Variants in DLGAP2 observed in about 807,000 individuals in gnomAD.
The protein encoded by DLGAP2 is DLG associated protein 2, also known as disks large-associated protein 2.
DLGAP2 carries 26 observed loss-of-function variants against 100.3 expected under a neutral mutation model. That is an observed-to-expected ratio of 0.26 (90% CI 0.19 to 0.36). DLGAP2 has a LOEUF of 0.36. Ranked by LOEUF, DLGAP2 falls within the 10% of genes least tolerant of loss-of-function variation. The pLI is 1.00. For missense variants in DLGAP2, 1,858 were observed against 1,453.2 expected (o/e 1.28, Z -4.53); for synonymous variants, 886 against 630.1 (o/e 1.41, Z -6.08).
intron 3 of DLGAP2, among the ~76,000 whole-genome samples, chr8:1,331,042 G>A (rs886167342): frequency 9.9e-5 from 15 of 152,042 alleles, no homozygotes; most frequent in Non-Finnish European, 7.4e-5. Flanking sequence ...CTTCACAGGA[G>A]CGTGAAGAGA....
chr8:1,443,589 G>C (rs77236962), intron 3 of DLGAP2, among the ~76,000 whole-genome samples: 10 of 152,350 alleles, frequency 6.6e-5, no homozygotes, highest in African/African-American at 2.2e-4. Flanking sequence ...TGGACTCACA[G>C]TTCCACACGG....
chr8:1,142,275 G>C (rs1230959618), intron 2 of DLGAP2, among the ~76,000 whole-genome samples: 3 of 152,094 alleles, frequency 2.0e-5, no homozygotes, highest in African/African-American at 7.2e-5. Flanking sequence ...GGGTTATACA[G>C]TTAATTTTTT....
intron 2 of DLGAP2, among the ~76,000 whole-genome samples, chr8:1,209,908 A>G (rs934933607): frequency 6.6e-6 from 1 of 152,168 alleles, no homozygotes; most frequent in East Asian, 1.9e-4. Flanking sequence ...CTCCCTGAGA[A>G]ACGGCGTGTC....
chr8:1,690,677 C>A (rs2472116), intron 12 of DLGAP2, among the ~76,000 whole-genome samples: 3 of 127,256 alleles, frequency 2.4e-5, no homozygotes, highest in African/African-American at 9.2e-5. Flanking sequence ...CCACTCCAGC[C>A]TGGGCGATAA....
intron 2 of DLGAP2, among the ~76,000 whole-genome samples, chr8:1,012,618 G>A (rs76893867): frequency 5.2e-5 from 3 of 57,778 alleles, no homozygotes; most frequent in Non-Finnish European, 9.5e-5. Context: ...CGGCCCCCCC[G>A]ACTTCAGCGG....
At chr8:1,451,805 G>T (rs1210754143) in intron 3 of DLGAP2, among the ~76,000 whole-genome samples, 1 of 152,104 alleles carries the variant, frequency 6.6e-6, no homozygotes, top group Non-Finnish European at 1.5e-5. Context: ...CCAACGTCCG[G>T]ATATCCCACT....
chr8:1,222,739 G>A (rs903211595), intron 2 of DLGAP2, among the ~76,000 whole-genome samples: 2 of 152,202 alleles, frequency 1.3e-5, no homozygotes, highest in East Asian at 1.9e-4. Context: ...ATGGTCAGAC[G>A]GGCTCTGCTG....
intron 2 of DLGAP2, among the ~76,000 whole-genome samples, chr8:1,182,015 C>G (rs1282177696): frequency 4.6e-5 from 7 of 152,236 alleles, no homozygotes; most frequent in Admixed American, 3.3e-4. Context: ...TTTCCAGAAG[C>G]TGACGTGGGA....
chr8:1,578,564 TCTG>T (rs1201131757), intron 6 of DLGAP2, among the ~76,000 whole-genome samples: 4 of 152,188 alleles, frequency 2.6e-5, no homozygotes, highest in African/African-American at 9.7e-5. Flanking sequence ...CTGCAGGAAT[TCTG>T]CTTCAAAATG....
At chr8:949,546 G>A (rs760168648) in intron 2 of DLGAP2, among the ~76,000 whole-genome samples, 2 of 152,188 alleles carry the variant, frequency 1.3e-5, no homozygotes, top group Non-Finnish European at 2.9e-5. Context: ...GCCAGTGCCT[G>A]CCGGGGCAGG....
At chr8:1,163,436 GCTCTGGGA>G (rs1410117294) in intron 2 of DLGAP2, among the ~76,000 whole-genome samples, 21 of 152,212 alleles carry the variant, frequency 1.4e-4, no homozygotes, top group Non-Finnish European at 2.9e-4. Context: ...TGTGTCCGAT[GCTCTGGGA>G]CCCTTCCCTG....
At chr8:1,382,421 T>C (rs1796117906) in intron 3 of DLGAP2, among the ~76,000 whole-genome samples, 1 of 152,116 alleles carries the variant, frequency 6.6e-6, no homozygotes, top group South Asian at 2.1e-4. Flanking sequence ...AGGGCAAGTG[T>C]GCGTGAATAT....
At chr8:896,247 G>A (rs186413978) in intron 1 of DLGAP2, among the ~76,000 whole-genome samples, 2 of 151,166 alleles carry the variant, frequency 1.3e-5, no homozygotes, top group Non-Finnish European at 2.9e-5. Flanking sequence ...TGGGGCAGTG[G>A]TGAGAGGTGT....
At chr8:1,210,039 G>A (rs576123846) in intron 2 of DLGAP2, among the ~76,000 whole-genome samples, 6 of 152,194 alleles carry the variant, frequency 3.9e-5, no homozygotes, top group East Asian at 1.9e-4. Flanking sequence ...CATCCACCTC[G>A]CCCCAGTGTC....
At chr8:1,442,904 A>G (rs565701659) in intron 3 of DLGAP2, among the ~76,000 whole-genome samples, 7 of 152,266 alleles carry the variant, frequency 4.6e-5, no homozygotes, top group Admixed American at 2.6e-4. Context: ...AGCTATTTGT[A>G]TGACATAAAT....
intron 3 of DLGAP2, among the ~76,000 whole-genome samples, chr8:1,308,774 C>G (rs183466013): frequency 6.6e-6 from 1 of 152,234 alleles, no homozygotes; most frequent in South Asian, 2.1e-4. Flanking sequence ...ATCTGCCCGC[C>G]TCAGCCTCCC....
Position 1,553,414 on chromosome 8 carries a change from G to A in DLGAP2, c.1230+3731G>A, listed in dbSNP as rs76732570. 3.1e-3 allele frequency among the ~76,000 whole-genome samples: 94 copies of A among 29,850 alleles called. No homozygotes were observed. The East Asian group carries it at 0.057, about 18-fold the overall frequency. 19.6% of individuals were successfully genotyped at this position (29,850 alleles called of 152,430 possible). A position where few individuals can be genotyped will look rare whatever the true frequency, so the allele number is the denominator to read the frequency against. On this transcript the variant is annotated intron_variant, in intron 5 of 14. Transcript: ENST00000637795. ...TGTTCACGGGCAGCAGCCCCATTTT[G>A]TTTGGCGTGTTCACGGGCAGCAGCC...
intron 4 of DLGAP2, among the ~76,000 whole-genome samples, chr8:1,503,204 G>A (rs1475557645): frequency 1.3e-5 from 2 of 152,108 alleles, no homozygotes; most frequent in Non-Finnish European, 2.9e-5. Flanking sequence ...CATTCATGTT[G>A]CTGTATAGCC....
intron 6 of DLGAP2, among the ~76,000 whole-genome samples, chr8:1,624,518 A>G (rs1389421595): frequency 1.3e-5 from 2 of 151,558 alleles, no homozygotes; most frequent in African/African-American, 2.4e-5. Context: ...GCATCCATCA[A>G]CCTGAGCCTG....
Sources: allele counts gnomAD v4.1 joint callset (sites outside exome capture counted in the v4.1 genomes callset), GRCh38; gene constraint gnomAD v4.1.1; transcripts MANE v1.5; gene names NCBI Gene and HGNC (gene_info 2026-07-23, HGNC 2026-07-21).